The following GRIP2 variants were observed in gnomAD, a reference collection of about 807,000 sequenced individuals.
GRIP2 encodes glutamate receptor interacting protein 2, also known as glutamate receptor-interacting protein 2.
A neutral mutation model predicts 108.3 loss-of-function variants in GRIP2; 58 were observed. The ratio of observed to expected loss-of-function variants is 0.54; its 90% CI spans 0.43 to 0.67. The LOEUF (loss-of-function observed/expected upper bound fraction) is 0.67. GRIP2 is among the 30% of genes least tolerant of loss of function. The pLI, the probability that GRIP2 is intolerant of heterozygous loss-of-function variation, is 0.00. For synonymous variants in GRIP2, 586 were observed against 598.2 expected (o/e 0.98, Z 0.30); for missense variants, 1,278 against 1,430.6 (o/e 0.89, Z 1.72).
the GRIP2 span, among the ~76,000 whole-genome samples, chr3:14,562,314 G>A: frequency 6.6e-6 from 1 of 152,214 alleles, no homozygotes; most frequent in African/African-American, 2.4e-5. Flanking sequence ...GGTCTGAGTG[G>A]GGGAAGTTGT....
At chr3:14,561,951 T>C in the GRIP2 span, among the ~76,000 whole-genome samples, 1 of 152,234 alleles carries the variant, frequency 6.6e-6, no homozygotes, top group African/African-American at 2.4e-5. Context: ...TATTCAGCAC[T>C]GTCTGTGTGC....
At chr3:14,599,903 C>T in the GRIP2 span, among the ~76,000 whole-genome samples, 11 of 152,168 alleles carry the variant, frequency 7.2e-5, no homozygotes, top group East Asian at 3.9e-4. Flanking sequence ...AACTCAAAAA[C>T]GTAATAAAGC....
chr3:14,558,181 C>T (rs984271929), upstream of GRIP2, among the ~76,000 whole-genome samples: 9 of 152,310 alleles, frequency 5.9e-5, no homozygotes, highest in East Asian at 9.7e-4. Flanking sequence ...AACTGAAGCT[C>T]AGAGAGGTGC....
In GRIP2 at chr3:14,521,940, G is replaced by T; in HGVS notation, c.567-153C>A. ...AGGGGACGGGTGAAGGGGCGCATGAGTGAGTGAAGGAATGAGCCACTCCAG... is the reference window on the plus strand; with the variant it reads ...AGGGGACGGGTGAAGGGGCGCATGATTGAGTGAAGGAATGAGCCACTCCAG... On this transcript the variant is annotated intron_variant, in intron 6 of 23. Coordinates refer to ENST00000621039, the MANE Select transcript of GRIP2 (RefSeq NM_001080423.4). The surrounding 1 kb of genome is among the most constrained non-coding windows in gnomAD (Gnocchi z 5.1). 1 of 671,230 alleles carries T rather than the reference G, an allele frequency of 1.5e-6. No homozygotes were observed. The highest frequency in any genetic ancestry group is 1.8e-5 in the African/African-American group (1 of 54,456). The allele number at this position is 671,230 out of a possible 1,614,324, so 41.6% of individuals were successfully genotyped here. A position where few individuals can be genotyped will look rare whatever the true frequency, so the allele number is the denominator to read the frequency against.
chr3:14,523,091 CA>C lies in GRIP2; in HGVS notation c.491-17del. ...TGGGCACCTCCTGGACAGGATTTGA[CA>C]AGAAGCAGGAATCATCCACCCACCC... On this transcript the variant is annotated splice_polypyrimidine_tract_variant and intron_variant, in intron 5 of 23. Transcript: ENST00000621039. The C allele has an allele frequency of 6.3e-7, 1 of 1,586,238 alleles. No individual in the cohort carries two copies. The highest frequency in any genetic ancestry group is 8.6e-7 in the Non-Finnish European group (1 of 1,161,864).
upstream of GRIP2, chr3:14,542,113 C>T: frequency 8.1e-7 from 1 of 1,238,670 alleles, no homozygotes; most frequent in Non-Finnish European, 1.1e-6. Context: ...AGATCTGCCC[C>T]TTCTTTCTCC....
At chr3:14,556,537 T>C (rs1342697124), upstream of GRIP2, among the ~76,000 whole-genome samples, 1 of 152,168 alleles carries the variant, frequency 6.6e-6, no homozygotes, top group East Asian at 1.9e-4. Flanking sequence ...AGAGTCCACT[T>C]GTCCTGTGTC....
chr3:14,601,092 G>A, the GRIP2 span, among the ~76,000 whole-genome samples: 58 of 141,684 alleles, frequency 4.1e-4, no homozygotes, highest in East Asian at 9.7e-3. Context: ...ACACACACAC[G>A]AACACACACA....
chr3:14,563,124 C>A, the GRIP2 span, among the ~76,000 whole-genome samples: 1 of 152,136 alleles, frequency 6.6e-6, no homozygotes, highest in African/African-American at 2.4e-5. Context: ...ATAAACCGAT[C>A]ATGAAAAGAC....
upstream of GRIP2, among the ~76,000 whole-genome samples, chr3:14,541,504 G>T (rs544968893): frequency 2.0e-5 from 3 of 152,338 alleles, no homozygotes; most frequent in East Asian, 5.8e-4. Context: ...CTCCAGAACA[G>T]TGACCCCAGC....
intron 21 of GRIP2, among the ~76,000 whole-genome samples, chr3:14,498,639 G>A (rs977347228): frequency 6.6e-6 from 1 of 152,052 alleles, no homozygotes; most frequent in Non-Finnish European, 1.5e-5. Flanking sequence ...TCCTCATTTT[G>A]GGATAATAAG....
the GRIP2 span, among the ~76,000 whole-genome samples, chr3:14,564,293 G>A: frequency 2.0e-5 from 3 of 152,208 alleles, no homozygotes; most frequent in Admixed American, 6.5e-5. Context: ...AGATTAAATC[G>A]TGGGCCGCGT....
upstream of GRIP2, among the ~76,000 whole-genome samples, chr3:14,545,676 G>A (rs1292752980): frequency 6.6e-6 from 1 of 152,248 alleles, no homozygotes; most frequent in Non-Finnish European, 1.5e-5. Flanking sequence ...AAATGTGGAT[G>A]ATGAAGTTGT....
rs369914186 is a variant in GRIP2 at position 14,493,621 on chromosome 3, A to G, written c.*44T>C. 5.9e-6 allele frequency: 9 copies of G among 1,519,302 alleles called. No homozygotes were observed. The African/African-American group carries it at 1.2e-4, about 21-fold the overall frequency. 94.1% of individuals were successfully genotyped at this position (1,519,302 alleles called of 1,614,324 possible). A position where few individuals can be genotyped will look rare whatever the true frequency, so the allele number is the denominator to read the frequency against. ...CCCAGCTACGTGTCTGGGAGCCAGG[A>G]TCTGCCTGGGTGGCCCCTTAGGAGT... On this transcript the variant is annotated 3_prime_UTR_variant, in exon 24 of 24. Transcript: ENST00000621039.
upstream of GRIP2, among the ~76,000 whole-genome samples, chr3:14,540,717 G>A (rs765405371): frequency 1.3e-5 from 2 of 151,212 alleles, no homozygotes; most frequent in Non-Finnish European, 3.0e-5. This position sits in a 1 kb window ranked among gnomAD's most constrained non-coding sequence, Gnocchi z 4.1. Flanking sequence ...TTTTCTAAAC[G>A]GCAGATTCCA....
intron 11 of GRIP2, 80 bp from the exon 12 acceptor site, chr3:14,514,558 C>G: frequency 7.1e-7 from 1 of 1,406,098 alleles, no homozygotes; most frequent in Non-Finnish European, 9.5e-7. Flanking sequence ...TCCCGGGGCC[C>G]TAGGCACTGG....
rs1701346104 is a variant in GRIP2 at position 14,491,943 on chromosome 3, G to C, written c.*1722C>G. Reference sequence around the variant, plus strand: ...GAATCCAAGATAGCAGAGGCGCTGAGCACCCCAGGCACAAGCATGCAGGGC... The same window carrying C: ...GAATCCAAGATAGCAGAGGCGCTGACCACCCCAGGCACAAGCATGCAGGGC... On this transcript the variant is annotated 3_prime_UTR_variant, in exon 24 of 24. Transcript: ENST00000621039. 1 of 152,408 alleles carries C rather than the reference G, an allele frequency of 6.6e-6. No individual in the cohort carries two copies. Among genetic ancestry groups the C allele is most frequent in the Admixed American group, 6.5e-5 (1 of 15,286 alleles). The allele number at this position is 152,408 out of a possible 1,614,324, so 9.4% of individuals were successfully genotyped here. A position where few individuals can be genotyped will look rare whatever the true frequency, so the allele number is the denominator to read the frequency against.
chr3:14,548,355 G>A (rs952571244), intron 1 of GRIP2, among the ~76,000 whole-genome samples: 4 of 152,192 alleles, frequency 2.6e-5, no homozygotes, highest in Admixed American at 2.6e-4. Context: ...CTCTCCGGAG[G>A]CCCCTCCGGT....
chr3:14,601,793 G>A, the GRIP2 span, among the ~76,000 whole-genome samples: 2 of 152,186 alleles, frequency 1.3e-5, no homozygotes, highest in African/African-American at 4.8e-5. Context: ...GGCCTGGGCT[G>A]GAAATGGAAA....
Sources: allele counts gnomAD v4.1 joint callset (sites outside exome capture counted in the v4.1 genomes callset), GRCh38; gene constraint gnomAD v4.1.1; non-coding constraint Gnocchi (gnomAD v3.1); transcripts MANE v1.5; gene names NCBI Gene and HGNC (gene_info 2026-07-23, HGNC 2026-07-21).